RALA: variants seen among roughly 807,000 people sequenced by gnomAD.
RALA encodes the protein ras-related protein Ral-A.
In RALA, 5 loss-of-function variants were observed where a neutral mutation model predicts 24.0. The ratio of observed to expected loss-of-function variants is 0.21; its 90% CI spans 0.11 to 0.44. The LOEUF is 0.44. Among genes scored for constraint, RALA ranks in the 20% least tolerant of loss-of-function variants. RALA has a pLI of 0.99. For synonymous variants in RALA, 77 were observed against 83.8 expected (o/e 0.92, Z 0.44); for missense variants, 95 against 241.2 (o/e 0.39, Z 4.01).
At chr7:39,628,043 A>G (rs187927365) in intron 1 of RALA, among the ~76,000 whole-genome samples, 24 of 151,712 alleles carry the variant, frequency 1.6e-4, no homozygotes, top group Admixed American at 1.1e-3. Flanking sequence ...TGTTCTACCA[A>G]TACCCAGCTT....
intron 2 of RALA, among the ~76,000 whole-genome samples, chr7:39,688,958 A>T (rs905932628): frequency 3.9e-5 from 6 of 152,088 alleles, no homozygotes; most frequent in Admixed American, 3.9e-4. Flanking sequence ...GGGACAGGGG[A>T]GGGAGAGAGA....
At chr7:39,654,802 G>A (rs1792070621) in intron 1 of RALA, among the ~76,000 whole-genome samples, 1 of 152,144 alleles carries the variant, frequency 6.6e-6, no homozygotes, top group Non-Finnish European at 1.5e-5. Flanking sequence ...CAAGGCTGGA[G>A]TGCAGTGGTG....
At chr7:39,699,051 T>C (rs1468096112) in intron 4 of RALA, among the ~76,000 whole-genome samples, 1 of 151,394 alleles carries the variant, frequency 6.6e-6, no homozygotes, top group East Asian at 1.9e-4. Context: ...ACCTCTCATA[T>C]GTTGGTGGAA....
chr7:39,656,774 C>T (rs562532965), intron 1 of RALA, among the ~76,000 whole-genome samples: 3 of 152,180 alleles, frequency 2.0e-5, no homozygotes, highest in East Asian at 3.9e-4. Context: ...CATGCTCAGC[C>T]CATCTCTTGA....
At chr7:39,634,677 GC>G (rs1791655846) in intron 1 of RALA, among the ~76,000 whole-genome samples, 1 of 151,930 alleles carries the variant, frequency 6.6e-6, no homozygotes, top group Non-Finnish European at 1.5e-5. Context: ...ACATAATACA[GC>G]TAAGACAATT....
intron 1 of RALA, among the ~76,000 whole-genome samples, chr7:39,663,174 A>C (rs1052899699): frequency 1.3e-5 from 2 of 152,240 alleles, no homozygotes; most frequent in African/African-American, 4.8e-5. Flanking sequence ...GACACAACCA[A>C]ATCATATCAC....
chr7:39,654,292 G>T (rs915350661), intron 1 of RALA, among the ~76,000 whole-genome samples: 1 of 152,138 alleles, frequency 6.6e-6, no homozygotes, highest in African/African-American at 2.4e-5. Context: ...TATAGAATAA[G>T]AAGGTATTTG....
intron 1 of RALA, among the ~76,000 whole-genome samples, chr7:39,673,144 T>A (rs1473040295): frequency 6.6e-6 from 1 of 152,054 alleles, no homozygotes; most frequent in Non-Finnish European, 1.5e-5. Context: ...GCCGAGATCG[T>A]GCCCCTGCTC....
intron 1 of RALA, among the ~76,000 whole-genome samples, chr7:39,658,569 T>C (rs1562614058): frequency 6.6e-6 from 1 of 152,142 alleles, no homozygotes; most frequent in African/African-American, 2.4e-5. Flanking sequence ...TACAGTTACC[T>C]AGGCAGTTTT....
chr7:39,626,786 A>AT (rs1372907912), intron 1 of RALA, among the ~76,000 whole-genome samples: 2 of 151,996 alleles, frequency 1.3e-5, no homozygotes, highest in African/African-American at 2.4e-5. Context: ...TTGAAATCAC[A>AT]TTTTTTTTAG....
chr7:39,698,747 T>C (rs1445545941), intron 4 of RALA, among the ~76,000 whole-genome samples: 1 of 152,116 alleles, frequency 6.6e-6, no homozygotes, highest in Non-Finnish European at 1.5e-5. Flanking sequence ...TAACAGTCCT[T>C]GTGGTGATCA....
chr7:39,636,422 C>T (rs1791685352), intron 1 of RALA, among the ~76,000 whole-genome samples: 1 of 152,018 alleles, frequency 6.6e-6, no homozygotes, highest in Non-Finnish European at 1.5e-5. Flanking sequence ...TAATTTCTGT[C>T]TTCCTTCATC....
chr7:39,666,329 G>A (rs1009370341), intron 1 of RALA, among the ~76,000 whole-genome samples: 1 of 152,162 alleles, frequency 6.6e-6, no homozygotes, highest in African/African-American at 2.4e-5. Context: ...ACTGAGGATA[G>A]GAGGAGCTCA....
intron 1 of RALA, among the ~76,000 whole-genome samples, chr7:39,679,740 A>T (rs1378387685): frequency 6.6e-6 from 1 of 150,886 alleles, no homozygotes; most frequent in Non-Finnish European, 1.5e-5. Flanking sequence ...TTTGAGACAG[A>T]CTCTCTGTTG....
At chr7:39,690,166 AG>A (rs1792789860) in intron 2 of RALA, among the ~76,000 whole-genome samples, 1 of 152,218 alleles carries the variant, frequency 6.6e-6, no homozygotes. Flanking sequence ...AACAGCCTAG[AG>A]GTAATAACTC....
chr7:39,684,624 G>A (rs1011652632), intron 1 of RALA, among the ~76,000 whole-genome samples: 6 of 151,064 alleles, frequency 4.0e-5, no homozygotes, highest in Admixed American at 1.3e-4. Context: ...AAAAGCAGGG[G>A]TGTCCAATCT....
chr7:39,707,721 G>A lies in RALA; in HGVS notation c.*1476G>A, dbSNP rs1241548886. The A allele has an allele frequency of 6.6e-6, 1 of 152,654 alleles. No homozygotes were observed. The highest frequency in any genetic ancestry group is 2.4e-5 in the African/African-American group (1 of 41,518). The allele number at this position is 152,654 out of a possible 1,614,324, so 9.5% of individuals were successfully genotyped here. On this transcript the variant is annotated 3_prime_UTR_variant, in exon 5 of 5. Coordinates refer to ENST00000005257, the MANE Select transcript of RALA (RefSeq NM_005402.4). The stretch of plus-strand genomic sequence containing the variant: ...ATGTGTTCAGGCATTCCAGGTAACA[G>A]GTGTGTATGTAAAGTTAAAAATAGG...
At chr7:39,688,665 C>G (rs1015233145) in intron 2 of RALA, among the ~76,000 whole-genome samples, 1 of 151,726 alleles carries the variant, frequency 6.6e-6, no homozygotes, top group Non-Finnish European at 1.5e-5. Context: ...CCTCCACCTC[C>G]CAGGCTCAAG....
chr7:39,641,160 G>A (rs1237040789), intron 1 of RALA, among the ~76,000 whole-genome samples: 1 of 152,052 alleles, frequency 6.6e-6, no homozygotes, highest in African/African-American at 2.4e-5. Flanking sequence ...GGGGTGCTGG[G>A]CAGACAAATC....
Sources: allele counts gnomAD v4.1 joint callset (sites outside exome capture counted in the v4.1 genomes callset), GRCh38; gene constraint gnomAD v4.1.1; transcripts MANE v1.5; gene names NCBI Gene and HGNC (gene_info 2026-07-23, HGNC 2026-07-21).